The following CAMTA1 variants were observed in gnomAD, a reference collection of about 807,000 sequenced individuals.
The protein encoded by CAMTA1 is calmodulin-binding transcription activator 1.
CAMTA1 carries 27 observed loss-of-function variants against 170.9 expected under a neutral mutation model. That is an observed-to-expected ratio of 0.16 (90% confidence interval 0.12 to 0.22). The LOEUF is 0.22. Ranked by LOEUF, CAMTA1 falls within the 10% of genes least tolerant of loss-of-function variation. The pLI is 1.00. For synonymous variants in CAMTA1, 833 were observed against 891.5 expected (o/e 0.93, Z 1.17); for missense variants, 1,619 against 2,217.2 (o/e 0.73, Z 5.42).
intron 11 of CAMTA1, among the ~76,000 whole-genome samples, chr1:7,730,230 T>C (rs1458946395): frequency 6.6e-6 from 1 of 152,216 alleles, no homozygotes; most frequent in African/African-American, 2.4e-5. Context: ...AGCTTTTATA[T>C]GGCAGAGCCA....
chr1:7,199,054 T>C lies in CAMTA1; in HGVS notation c.303-50437T>C, dbSNP rs560186486. On this transcript the variant is annotated intron_variant, in intron 4 of 22. Transcript: ENST00000303635. ...CAGGAGGGCAGAGGTGTTTGTCTTT[T>C]CCCCCCCACTTCTCTCCCCTAAGCG... is the stretch of plus-strand genomic sequence containing the variant. 2.4e-4 allele frequency among the ~76,000 whole-genome samples: 36 copies of C among 152,180 alleles called. No homozygotes were observed. The East Asian group carries it at 4.6e-3, about 20-fold the overall frequency.
rs763908263 is a variant in CAMTA1 at position 7,664,740 on chromosome 1, C to T, written c.2193C>T (p.Gly731=). 16 of 1,608,138 alleles carry T rather than the reference C, an allele frequency of 9.9e-6. No homozygotes were observed. The highest frequency in any genetic ancestry group is 6.7e-5 in the Admixed American group (4 of 59,850). Residue 731 remains glycine (G), a synonymous_variant, in exon 9 of 23, where the codon GGC becomes GGT. Transcript: ENST00000303635. ...CCAACGGGGTAATCCGAAGCGCCGGCGGCGTCCCCATCCTCCCGGGCAACG... is the reference window on the plus strand; with the variant it reads ...CCAACGGGGTAATCCGAAGCGCCGGTGGCGTCCCCATCCTCCCGGGCAACG... ...PETNGVIRSA[G]GVPILPGNVV...
intron 6 of CAMTA1, among the ~76,000 whole-genome samples, chr1:7,509,409 A>G (rs941554961): frequency 5.3e-5 from 8 of 152,134 alleles, no homozygotes; most frequent in Admixed American, 4.6e-4. Context: ...AACAGAGAGA[A>G]AACACCGTGA....
chr1:6,943,716 G>A (rs1423914629), intron 3 of CAMTA1, among the ~76,000 whole-genome samples: 1 of 151,656 alleles, frequency 6.6e-6, no homozygotes, highest in Non-Finnish European at 1.5e-5. Flanking sequence ...GTGTGATGGC[G>A]TGTGCCTGTA....
intron 5 of CAMTA1, among the ~76,000 whole-genome samples, chr1:7,383,938 G>T (rs939355996): frequency 6.6e-6 from 1 of 152,180 alleles, no homozygotes; most frequent in Non-Finnish European, 1.5e-5. Flanking sequence ...CATTTTTCCA[G>T]TATAGTGGGA....
chr1:6,998,282 A>G (rs1697642413), intron 3 of CAMTA1, among the ~76,000 whole-genome samples: 1 of 151,916 alleles, frequency 6.6e-6, no homozygotes, highest in Admixed American at 6.6e-5. Flanking sequence ...GAGTTTCAAC[A>G]TGTTGGCCAG....
intron 5 of CAMTA1, among the ~76,000 whole-genome samples, chr1:7,464,607 G>GCT (rs2093167832): frequency 6.6e-6 from 1 of 152,132 alleles, no homozygotes; most frequent in South Asian, 2.1e-4. Flanking sequence ...GAATGGAAGG[G>GCT]GAGAGGGAAT....
chr1:7,443,415 G>T lies in CAMTA1; in HGVS notation c.439-24415G>T, dbSNP rs1046561908. Among the ~76,000 whole-genome samples the T allele has an allele frequency of 5.9e-5, 9 of 152,202 alleles. No homozygotes were observed. Among genetic ancestry groups the T allele is most frequent in the Non-Finnish European group, 4.4e-5 (3 of 68,050 alleles). On this transcript the variant is annotated intron_variant, in intron 5 of 22. Coordinates refer to ENST00000303635, the MANE Select transcript of CAMTA1 (RefSeq NM_015215.4). The surrounding 1 kb of genome is among the most constrained non-coding windows in gnomAD (Gnocchi z 4.1). ...TTGGGAGCACGTGGAGATGATGATA[G>T]CCATGTCAGACGACAGCAGGGAGAG...
chr1:7,694,817 C>CT (rs1331857378), intron 11 of CAMTA1: 1 of 152,348 alleles, frequency 6.6e-6, no homozygotes, highest in African/African-American at 2.4e-5. Context: ...CTCCTCAACA[C>CT]TGATGGGAAT....
In CAMTA1 at chr1:7,393,054, T is replaced by TAAA. The variant is rs34475514; in HGVS notation, c.439-74763_439-74761dup. 9.0e-3 allele frequency among the ~76,000 whole-genome samples: 1,307 copies of TAAA among 144,976 alleles called. 18 individuals are homozygous for TAAA. Among genetic ancestry groups the TAAA allele is most frequent in the African/African-American group, 0.032 (1,255 of 39,156 alleles). ...GATGACAGAGTGATACTATATCTCTTAAAAAAAAAAAAAAAGTTTTAGTTG... is the reference window on the plus strand; with the variant it reads ...GATGACAGAGTGATACTATATCTCTTAAAAAAAAAAAAAAAAAAGTTTTAGTTG... On this transcript the variant is annotated intron_variant, in intron 5 of 22. Transcript: ENST00000303635.
intron 3 of CAMTA1, among the ~76,000 whole-genome samples, chr1:6,900,965 A>C (rs538556621): frequency 6.6e-6 from 1 of 152,270 alleles, no homozygotes; most frequent in Non-Finnish European, 1.5e-5. Context: ...AAAAAGAGCA[A>C]AGCTAGGAGA....
In CAMTA1 at chr1:7,769,023, C is replaced by T. The variant is rs1442456260; in HGVS notation, c.*2532C>T. ...CTCACATTTTTTTTTTAATGTTTCA[C>T]ATGTTACATTATTAGCTGAATACGT... is the stretch of plus-strand genomic sequence containing the variant. On this transcript the variant is annotated 3_prime_UTR_variant, in exon 23 of 23. Coordinates refer to ENST00000303635, the MANE Select transcript of CAMTA1 (RefSeq NM_015215.4). 1 of 152,110 alleles carries T rather than the reference C, an allele frequency of 6.6e-6. No individual in the cohort carries two copies. The highest frequency in any genetic ancestry group is 2.4e-5 in the African/African-American group (1 of 41,216). 9.4% of individuals were successfully genotyped at this position (152,110 alleles called of 1,614,324 possible).
At chr1:6,904,551 T>C (rs1274573214) in intron 3 of CAMTA1, among the ~76,000 whole-genome samples, 1 of 151,118 alleles carries the variant, frequency 6.6e-6, no homozygotes, top group Admixed American at 6.6e-5. Flanking sequence ...TTTCTTTCTT[T>C]CTTTTTTTTT....
intron 3 of CAMTA1, among the ~76,000 whole-genome samples, chr1:7,061,895 G>T (rs1572776700): frequency 6.6e-6 from 1 of 152,110 alleles, no homozygotes; most frequent in Non-Finnish European, 1.5e-5. Context: ...GCTTTAATTT[G>T]ACGGTGTATG....
intron 11 of CAMTA1, among the ~76,000 whole-genome samples, chr1:7,706,877 C>T (rs1013763370): frequency 7.0e-6 from 1 of 142,780 alleles, no homozygotes; most frequent in Admixed American, 7.8e-5. Context: ...TGCATTATTT[C>T]AGGCTATTCT....
intron 7 of CAMTA1, among the ~76,000 whole-genome samples, chr1:7,645,289 C>A (rs1022811553): frequency 3.3e-5 from 5 of 152,218 alleles, no homozygotes; most frequent in Non-Finnish European, 7.3e-5. Flanking sequence ...AAACCTTGCA[C>A]CCTTGGCTCC....
intron 4 of CAMTA1, among the ~76,000 whole-genome samples, chr1:7,100,108 A>G (rs1011604133): frequency 6.6e-6 from 1 of 151,960 alleles, no homozygotes; most frequent in Non-Finnish European, 1.5e-5. Context: ...ACTGCTTCCA[A>G]TTCACGAGTC....
At chr1:6,832,240 C>T (rs558201224) in intron 3 of CAMTA1, among the ~76,000 whole-genome samples, 8 of 152,082 alleles carry the variant, frequency 5.3e-5, no homozygotes, top group East Asian at 1.9e-4. Flanking sequence ...CTCGCCACCA[C>T]GGACCTGGCT....
intron 3 of CAMTA1, among the ~76,000 whole-genome samples, chr1:6,938,844 G>GC (rs1358995948): frequency 1.3e-5 from 2 of 152,202 alleles, no homozygotes; most frequent in Non-Finnish European, 2.9e-5. Flanking sequence ...TGGCTGAGCT[G>GC]CCCAGACACA....
Sources: allele counts gnomAD v4.1 joint callset (sites outside exome capture counted in the v4.1 genomes callset), GRCh38; gene constraint gnomAD v4.1.1; non-coding constraint Gnocchi (gnomAD v3.1); transcripts MANE v1.5; gene names NCBI Gene and HGNC (gene_info 2026-07-23, HGNC 2026-07-21).